EGFR: variants seen among roughly 807,000 people sequenced by gnomAD.
EGFR encodes epidermal growth factor receptor.
In EGFR, 58 loss-of-function variants were observed where a neutral mutation model predicts 143.0. The observed-to-expected ratio is 0.41, with a 90% confidence interval of 0.33 to 0.50. The LOEUF (loss-of-function observed/expected upper bound fraction) is 0.50. EGFR is among the 20% of genes least tolerant of loss of function. EGFR has a pLI of 0.39. For synonymous variants in EGFR, 613 were observed against 594.4 expected (o/e 1.03, Z -0.45); for missense variants, 1,307 against 1,579.0 (o/e 0.83, Z 2.92).
chr7:55,099,552 A>G (rs1361514626), intron 1 of EGFR, among the ~76,000 whole-genome samples: 2 of 152,192 alleles, frequency 1.3e-5, no homozygotes, highest in Admixed American at 1.3e-4. Flanking sequence ...GGAAAAGAGT[A>G]TTTGGCACTT....
intron 3 of EGFR, among the ~76,000 whole-genome samples, chr7:55,145,834 G>A (rs1794732576): frequency 6.6e-6 from 1 of 152,154 alleles, no homozygotes; most frequent in Non-Finnish European, 1.5e-5. Flanking sequence ...TGACATGTCT[G>A]TCCCCAAGCC....
chr7:55,045,665 A>G (rs528673115), intron 1 of EGFR, among the ~76,000 whole-genome samples: 1 of 152,244 alleles, frequency 6.6e-6, no homozygotes, highest in Non-Finnish European at 1.5e-5. Flanking sequence ...GAGTGTCAAC[A>G]TGATGGCACC....
At chr7:55,063,219 G>C (rs1224899497) in intron 1 of EGFR, among the ~76,000 whole-genome samples, 1 of 152,148 alleles carries the variant, frequency 6.6e-6, no homozygotes, top group African/African-American at 2.4e-5. Context: ...CATTAAACTG[G>C]CTCCCTTCAC....
chr7:55,191,635 T>G, intron 20 of EGFR, 84 bp from the exon 21 acceptor site: 1 of 1,584,690 alleles, frequency 6.3e-7, no homozygotes, highest in Non-Finnish European at 8.6e-7. Context: ...GCTCAGAGCC[T>G]GGCATGAACA....
chr7:55,171,109 A>G (rs955628579), intron 15 of EGFR, 66 bp from the exon 16 acceptor site: 12 of 1,608,184 alleles, frequency 7.5e-6, no homozygotes, highest in African/African-American at 2.7e-5. Context: ...TTAATTAAAA[A>G]TCTCCAAAAT....
At chr7:55,152,730 G>A (rs1387763063) in intron 6 of EGFR, 66 bp downstream of exon 6, 1 of 1,351,598 alleles carries the variant, frequency 7.4e-7, no homozygotes, top group Non-Finnish European at 1.1e-6. Context: ...CCCACACCAG[G>A]ACAGAAGACT....
At chr7:55,048,158 A>T (rs1257848964) in intron 1 of EGFR, among the ~76,000 whole-genome samples, 1 of 152,168 alleles carries the variant, frequency 6.6e-6, no homozygotes, top group Non-Finnish European at 1.5e-5. Context: ...ATAATAAAAA[A>T]ATCCTTAGAC....
chr7:55,040,290 C>T (rs1456697294), intron 1 of EGFR, among the ~76,000 whole-genome samples: 1 of 152,136 alleles, frequency 6.6e-6, no homozygotes, highest in Non-Finnish European at 1.5e-5. Flanking sequence ...TGCAGAATGA[C>T]AGTATTCATA....
intron 1 of EGFR, among the ~76,000 whole-genome samples, chr7:55,031,761 C>T (rs1224492379): frequency 6.6e-6 from 1 of 152,168 alleles, no homozygotes; most frequent in Non-Finnish European, 1.5e-5. Context: ...CTGATGGAGC[C>T]GATGAGAATT....
At chr7:55,205,066 T>G (rs1414469178) in intron 27 of EGFR, among the ~76,000 whole-genome samples, 190 bp from the exon 28 acceptor site, 1 of 152,110 alleles carries the variant, frequency 6.6e-6, no homozygotes, top group African/African-American at 2.4e-5. Flanking sequence ...GACACATATG[T>G]CCATTACTTT....
At chr7:55,074,247 C>A (rs1480746101) in intron 1 of EGFR, among the ~76,000 whole-genome samples, 1 of 152,242 alleles carries the variant, frequency 6.6e-6, no homozygotes, top group Admixed American at 6.5e-5. Flanking sequence ...CGGGTTCGAC[C>A]ATGAGTCCTG....
intron 1 of EGFR, among the ~76,000 whole-genome samples, chr7:55,032,406 A>G (rs1787305593): frequency 1.3e-5 from 2 of 152,318 alleles, no homozygotes; most frequent in South Asian, 4.1e-4. Context: ...GATGCAATTT[A>G]TTTCAAAAAG....
chr7:55,109,200 T>A (rs901575433), intron 1 of EGFR, among the ~76,000 whole-genome samples: 1 of 152,230 alleles, frequency 6.6e-6, no homozygotes, highest in African/African-American at 2.4e-5. Context: ...GATTAAATTA[T>A]GTGATCTGCA....
At chr7:55,020,097 G>A (rs1786451852) in intron 1 of EGFR, among the ~76,000 whole-genome samples, 1 of 152,240 alleles carries the variant, frequency 6.6e-6, no homozygotes, top group South Asian at 2.1e-4. Flanking sequence ...TGGTGCTGGC[G>A]GCGGTTAGTT....
intron 23 of EGFR, among the ~76,000 whole-genome samples, chr7:55,200,103 G>A (rs41384551): frequency 6.6e-6 from 1 of 152,210 alleles, no homozygotes; most frequent in Non-Finnish European, 1.5e-5. Flanking sequence ...GGGCATTATT[G>A]TTATTCTGAT....
intron 1 of EGFR, among the ~76,000 whole-genome samples, chr7:55,127,143 A>G (rs1793573765): frequency 6.6e-6 from 1 of 152,162 alleles, no homozygotes; most frequent in African/African-American, 2.4e-5. Context: ...TCTTTTGCAA[A>G]TTGAGCTAGC....
At chr7:55,177,350 T>G (rs955859525) in intron 19 of EGFR, among the ~76,000 whole-genome samples, 3 of 152,180 alleles carry the variant, frequency 2.0e-5, no homozygotes, top group African/African-American at 7.2e-5. Context: ...CTTAATCCTG[T>G]GGCAGGACAG....
intron 1 of EGFR, among the ~76,000 whole-genome samples, chr7:55,056,284 A>T (rs1318280950): frequency 6.6e-6 from 1 of 152,182 alleles, no homozygotes; most frequent in Non-Finnish European, 1.5e-5. Flanking sequence ...ACATGAAAGA[A>T]CCTGTCTGAT....
chr7:55,090,105 A>C (rs1791020367), intron 1 of EGFR, among the ~76,000 whole-genome samples: 1 of 152,006 alleles, frequency 6.6e-6, no homozygotes, highest in Non-Finnish European at 1.5e-5. Flanking sequence ...AGTAGCTGAG[A>C]TTACAGGCAC....
Sources: gnomAD v4.1 joint callset for allele counts (sites outside exome capture counted in the v4.1 genomes callset) on GRCh38, gnomAD v4.1.1 for gene constraint, MANE v1.5 for transcripts, NCBI Gene and HGNC (gene_info 2026-07-23, HGNC 2026-07-21) for gene names.